SEMA6D: variants seen among roughly 807,000 people sequenced by gnomAD.
The protein encoded by SEMA6D is semaphorin 6D.
A neutral mutation model predicts 106.6 loss-of-function variants in SEMA6D; 35 were observed. The ratio of observed to expected loss-of-function variants is 0.33; its 90% confidence interval spans 0.25 to 0.44. The LOEUF is 0.44. SEMA6D is among the 20% of genes least tolerant of loss of function. SEMA6D has a pLI of 1.00. For missense variants in SEMA6D, 1,185 were observed against 1,345.9 expected (o/e 0.88, Z 1.87); for synonymous variants, 499 against 487.7 (o/e 1.02, Z -0.31).
At position 47,772,964 on chromosome 15, in the gene SEMA6D, G is replaced by A. The variant is rs2082697712; in HGVS notation, c.*1179G>A. 1 of 152,504 alleles carries A rather than the reference G, an allele frequency of 6.6e-6. No individual in the cohort carries two copies. Among genetic ancestry groups the A allele is most frequent in the South Asian group, 2.1e-4 (1 of 4,824 alleles). The allele number at this position is 152,504 out of a possible 1,614,324, so 9.4% of individuals were successfully genotyped here. On this transcript the variant is annotated 3_prime_UTR_variant, in exon 19 of 19. Coordinates refer to ENST00000536845, the MANE Select transcript of SEMA6D (RefSeq NM_001358351.3). The stretch of plus-strand genomic sequence containing the variant: ...AACAGTCTGTAAAAACCTAACAGTG[G>A]TGCAATCATGTTGTCTGTGTTGTGT...
Position 47,773,595 on chromosome 15 carries a change from A to G in SEMA6D, c.*1810A>G, listed in dbSNP as rs3743286. The G allele has an allele frequency of 0.21, 31,782 of 152,286 alleles. 3,935 individuals carry two copies. The highest frequency in any genetic ancestry group is 0.28 in the South Asian group (1,365 of 4,822). The allele number at this position is 152,286 out of a possible 1,614,324, so 9.4% of individuals were successfully genotyped here. On this transcript the variant is annotated 3_prime_UTR_variant, in exon 19 of 19. Coordinates refer to ENST00000536845, the MANE Select transcript of SEMA6D (RefSeq NM_001358351.3). ...TATTACTTGGGGGAGGACATGTTGC[A>G]GAAGACCAGATCATTTTTATACAGA...
chr15:47,547,838 G>A (rs1055321926), intron 3 of SEMA6D, among the ~76,000 whole-genome samples: 20 of 152,170 alleles, frequency 1.3e-4, no homozygotes, highest in Admixed American at 9.8e-4. Flanking sequence ...ATGAAGTCAA[G>A]TTGCAGCTCA....
At chr15:47,569,099 G>A (rs1237125082) in intron 3 of SEMA6D, among the ~76,000 whole-genome samples, 3 of 151,980 alleles carry the variant, frequency 2.0e-5, no homozygotes, top group Non-Finnish European at 4.4e-5. Flanking sequence ...ATTTTGATCT[G>A]TTTTCATGTT....
intron 1 of SEMA6D, among the ~76,000 whole-genome samples, chr15:47,255,331 CTTT>C (rs925795076): frequency 5.3e-5 from 8 of 151,756 alleles, no homozygotes; most frequent in Non-Finnish European, 1.2e-4. Flanking sequence ...AGTCTTCTCT[CTTT>C]TTTTCTTAGT....
chr15:47,740,243 G>A (rs767741629), intron 1 of SEMA6D, among the ~76,000 whole-genome samples: 9 of 152,112 alleles, frequency 5.9e-5, no homozygotes, highest in South Asian at 2.1e-4. Flanking sequence ...AAACATGGCC[G>A]GGCGTGGTGA....
chr15:47,187,158 T>C (rs543103933), intron 1 of SEMA6D, among the ~76,000 whole-genome samples: 1 of 152,290 alleles, frequency 6.6e-6, no homozygotes, highest in African/African-American at 2.4e-5. Flanking sequence ...AATGAAGCAC[T>C]TGTAAATGTT....
intron 1 of SEMA6D, among the ~76,000 whole-genome samples, chr15:47,296,553 A>G (rs1486385189): frequency 6.6e-6 from 1 of 152,194 alleles, no homozygotes; most frequent in Non-Finnish European, 1.5e-5. Flanking sequence ...GCAAGGGGGA[A>G]TGTTAACTGA....
chr15:47,351,673 T>C (rs1013782953), intron 1 of SEMA6D, among the ~76,000 whole-genome samples: 3 of 152,164 alleles, frequency 2.0e-5, no homozygotes, highest in African/African-American at 7.2e-5. Context: ...GTTGTGTAAT[T>C]ACCTATGACC....
chr15:47,277,598 TTA>T (rs1177593832), intron 1 of SEMA6D, among the ~76,000 whole-genome samples: 144 of 5,572 alleles, frequency 0.026, no homozygotes, highest in Non-Finnish European at 0.18. Flanking sequence ...ATTATTATTA[TTA>T]TTATTATTAT....
chr15:47,732,788 A>T (rs1480723076), intron 1 of SEMA6D, among the ~76,000 whole-genome samples: 1 of 152,034 alleles, frequency 6.6e-6, no homozygotes, highest in African/African-American at 2.4e-5. Context: ...TGATTAGGCA[A>T]TTAAAAAAAA....
chr15:47,284,884 C>T (rs1386675748), intron 1 of SEMA6D, among the ~76,000 whole-genome samples: 1 of 152,120 alleles, frequency 6.6e-6, no homozygotes, highest in Non-Finnish European at 1.5e-5. Context: ...TATTTCATGC[C>T]TCACATGGGG....
intron 7 of SEMA6D, 68 bp from the exon 8 acceptor site, chr15:47,762,132 C>G: frequency 6.3e-7 from 1 of 1,588,890 alleles, no homozygotes; most frequent in Non-Finnish European, 8.6e-7. Flanking sequence ...GGGCATAACA[C>G]GCTGCCAAAG....
intron 1 of SEMA6D, among the ~76,000 whole-genome samples, chr15:47,227,161 G>A (rs1163892953): frequency 6.6e-6 from 1 of 151,974 alleles, no homozygotes; most frequent in Non-Finnish European, 1.5e-5. Flanking sequence ...TATTATGAAA[G>A]TACAATATGA....
chr15:47,365,211 A>G (rs1216693974), intron 1 of SEMA6D, among the ~76,000 whole-genome samples: 1 of 152,188 alleles, frequency 6.6e-6, no homozygotes, highest in Non-Finnish European at 1.5e-5. Context: ...TGGCGAGGCA[A>G]GGTTAAAACT....
intron 1 of SEMA6D, among the ~76,000 whole-genome samples, chr15:47,401,492 T>G: frequency 6.6e-6 from 1 of 152,212 alleles, no homozygotes; most frequent in Non-Finnish European, 1.5e-5. Flanking sequence ...AAACCTGTTT[T>G]GTAAAACTTC....
chr15:47,463,398 A>G (rs1283665951), intron 2 of SEMA6D, among the ~76,000 whole-genome samples: 1 of 152,184 alleles, frequency 6.6e-6, no homozygotes, highest in East Asian at 1.9e-4. Context: ...CTCAATTCGT[A>G]TAGCCCTGAC....
intron 4 of SEMA6D, among the ~76,000 whole-genome samples, chr15:47,654,910 T>C (rs1294722396): frequency 6.6e-6 from 1 of 152,188 alleles, no homozygotes; most frequent in Non-Finnish European, 1.5e-5. Context: ...GTCTCACATA[T>C]TCCTTTATAG....
intron 1 of SEMA6D, among the ~76,000 whole-genome samples, chr15:47,728,312 G>A (rs140097458): frequency 1.8e-3 from 278 of 152,322 alleles, no homozygotes; most frequent in Middle Eastern, 3.4e-3. Context: ...CCAGATAGGT[G>A]CTGCTCTAGT....
At chr15:47,324,649 A>T (rs543731338) in intron 1 of SEMA6D, among the ~76,000 whole-genome samples, 8 of 150,400 alleles carry the variant, frequency 5.3e-5, no homozygotes, top group Non-Finnish European at 1.2e-4. Flanking sequence ...GTGTCTGTAC[A>T]TATATATGTA....
Sources: allele counts gnomAD v4.1 joint callset (sites outside exome capture counted in the v4.1 genomes callset), GRCh38; gene constraint gnomAD v4.1.1; transcripts MANE v1.5; gene names NCBI Gene and HGNC (gene_info 2026-07-23, HGNC 2026-07-21).